Variants in IL1RL1 observed in about 807,000 individuals in gnomAD.
IL1RL1 encodes the protein interleukin-1 receptor-like 1.
Under a neutral mutation model 50.9 loss-of-function variants are expected in IL1RL1, and 32 were observed. The observed-to-expected ratio is 0.63, with a 90% CI of 0.47 to 0.84. The LOEUF (loss-of-function observed/expected upper bound fraction) is 0.84, where lower values mean the gene tolerates loss of function less well. Among genes scored for constraint, IL1RL1 ranks in the 40% least tolerant of loss-of-function variants. The pLI, the probability that IL1RL1 is intolerant of heterozygous loss-of-function variation, is 0.00. For missense variants in IL1RL1, 773 were observed against 662.9 expected, an observed-to-expected ratio of 1.17 and a Z score of -1.82; for synonymous variants, 275 against 236.0, an observed-to-expected ratio of 1.17 and a Z score of -1.51.
chr2:102,340,377 C>T, intron 4 of IL1RL1, 105 bp downstream of exon 4: 1 of 961,028 alleles, frequency 1.0e-6, no homozygotes, highest in South Asian at 1.6e-5. Context: ...CTTTGGGAGG[C>T]CAAGGCAGGC....
At chr2:102,311,944 T>C (rs1180489115) in intron 1 of IL1RL1, among the ~76,000 whole-genome samples, 1 of 33,418 alleles carries the variant, frequency 3.0e-5, no homozygotes, top group Non-Finnish European at 5.2e-5. Context: ...ATATATAATA[T>C]TATATATAAT....
chr2:102,343,310 AT>A lies in IL1RL1; in HGVS notation c.866del (p.Ile289LysfsTer4), dbSNP rs1223668698. 3.1e-6 allele frequency: 5 copies of A among 1,614,122 alleles called. No homozygotes were observed. Among genetic ancestry groups the A allele is most frequent in the Admixed American group, 1.7e-5 (1 of 60,008 alleles). On this transcript the variant is annotated frameshift_variant, in exon 8 of 11. Coordinates refer to ENST00000233954, the MANE Select transcript of IL1RL1 (RefSeq NM_016232.5). LOFTEE classifies it high-confidence loss of function. ...GLACLDMVLR[I>X]ADVKEEDLLL... ...GGCTTGTCTAGACATGGTTTTAAGAATAGCTGACGTGAAGGAAGAGGATTTA... is the reference window on the plus strand; with the variant it reads ...GGCTTGTCTAGACATGGTTTTAAGAAAGCTGACGTGAAGGAAGAGGATTTA...
chr2:102,317,128 G>T (rs1010733338), intron 1 of IL1RL1, among the ~76,000 whole-genome samples: 14 of 152,176 alleles, frequency 9.2e-5, no homozygotes, highest in Admixed American at 9.2e-4. Flanking sequence ...GCCGAGGCAG[G>T]TGGATCATGA....
intron 1 of IL1RL1, among the ~76,000 whole-genome samples, chr2:102,319,809 C>A (rs1676785552): frequency 6.6e-6 from 1 of 152,188 alleles, no homozygotes; most frequent in African/African-American, 2.4e-5. Flanking sequence ...TTGCCTCAGC[C>A]TCCCAAGAAG....
At chr2:102,348,321 C>A (rs780862024) in intron 9 of IL1RL1, among the ~76,000 whole-genome samples, 1 of 152,150 alleles carries the variant, frequency 6.6e-6, no homozygotes, top group Non-Finnish European at 1.5e-5. Flanking sequence ...TTTTCTTCCC[C>A]GATAGGATTG....
Position 102,343,035 on chromosome 2 carries a change from G to A in IL1RL1, c.683-1G>A. On this transcript the variant is annotated splice_acceptor_variant, in intron 6 of 10. Coordinates refer to ENST00000233954, the MANE Select transcript of IL1RL1 (RefSeq NM_016232.5). LOFTEE classifies it high-confidence loss of function. ...TGGTGAATGTCCTTACTCCCCTCTA[G>A]GAAAAAACGCAAACCTAACTTGCTC... 1 of 1,613,658 alleles carries A rather than the reference G, an allele frequency of 6.2e-7. No homozygotes were observed. Among genetic ancestry groups the A allele is most frequent in the Non-Finnish European group, 8.5e-7 (1 of 1,179,860 alleles).
chr2:102,311,962 ATATATAATAT>A (rs1676506740), intron 1 of IL1RL1, among the ~76,000 whole-genome samples: 1 of 33,796 alleles, frequency 3.0e-5, no homozygotes, highest in Non-Finnish European at 4.8e-5. Context: ...AATATATATT[ATATATAATAT>A]TATATATAAT....
chr2:102,333,173 A>G (rs1677220755), intron 1 of IL1RL1, among the ~76,000 whole-genome samples: 1 of 150,814 alleles, frequency 6.6e-6, no homozygotes, highest in East Asian at 1.9e-4. Context: ...GAATCTCCAG[A>G]GTGTCTGTTT....
Position 102,338,905 on chromosome 2 carries a change from T to C in IL1RL1, c.130T>C (p.Tyr44His). ...ATGTCCTAGACAAGGAAAACCTAGT[T>C]ACACCGTGGATTGGTATTACTCACA... ...VRCPRQGKPS[Y>H]TVDWYYSQTN... Residue 44 changes from tyrosine (Y) to histidine (H), a missense_variant, in exon 3 of 11, where the codon TAC (tyrosine) becomes CAC (histidine). Coordinates refer to ENST00000233954, the MANE Select transcript of IL1RL1 (RefSeq NM_016232.5). 6.2e-7 allele frequency: 1 copy of C among 1,613,850 alleles called. No individual in the cohort carries two copies. The highest frequency in any genetic ancestry group is 1.1e-5 in the South Asian group (1 of 91,072).
intron 10 of IL1RL1, among the ~76,000 whole-genome samples, 168 bp from the exon 11 acceptor site, chr2:102,351,368 G>A (rs780133971): frequency 3.3e-5 from 5 of 152,124 alleles, no homozygotes; most frequent in Non-Finnish European, 7.4e-5. Flanking sequence ...GGAACACAAA[G>A]AACAAAACGG....
chr2:102,323,586 G>A (rs887594808), intron 1 of IL1RL1, among the ~76,000 whole-genome samples: 7 of 151,984 alleles, frequency 4.6e-5, no homozygotes, highest in African/African-American at 1.7e-4. Context: ...GAGAGAAGAA[G>A]CAAGGGGTGG....
intron 1 of IL1RL1, among the ~76,000 whole-genome samples, chr2:102,316,491 C>T (rs551735113): frequency 2.0e-5 from 3 of 152,222 alleles, no homozygotes; most frequent in African/African-American, 4.8e-5. Flanking sequence ...GTAGAATTTC[C>T]TTCTTCAGAG....
At chr2:102,337,867 A>C (rs115535933) in intron 1 of IL1RL1, among the ~76,000 whole-genome samples, 2 of 152,110 alleles carry the variant, frequency 1.3e-5, no homozygotes, top group Middle Eastern at 6.8e-3. Context: ...GGACATTCTC[A>C]TGAGACTGGT....
At position 102,311,635 on chromosome 2, in the gene IL1RL1, T is replaced by C. The variant is rs1337901067; in HGVS notation, c.-150+12T>C. 6.7e-6 allele frequency: 1 copy of C among 149,356 alleles called. No homozygotes were observed. The highest frequency in any genetic ancestry group is 1.5e-5 in the Non-Finnish European group (1 of 67,728). The allele number at this position is 149,356 out of a possible 1,614,324, so 9.3% of individuals were successfully genotyped here. A position where few individuals can be genotyped will look rare whatever the true frequency, so the allele number is the denominator to read the frequency against. The stretch of plus-strand genomic sequence containing the variant: ...ACAACCCAATGAGGGTAAGTGGCTT[T>C]GGGGTATTTTTCAAAAATACTTTTA... On this transcript the variant is annotated intron_variant, in intron 1 of 10. Coordinates refer to ENST00000233954, the MANE Select transcript of IL1RL1 (RefSeq NM_016232.5).
intron 8 of IL1RL1, chr2:102,345,666 T>A (rs1218465305): frequency 1.0e-6 from 1 of 985,296 alleles, no homozygotes; most frequent in East Asian, 1.1e-4. Context: ...TGTTTTAATT[T>A]TGACTTTAAC....
intron 10 of IL1RL1, among the ~76,000 whole-genome samples, chr2:102,350,156 C>T (rs1273620838): frequency 1.3e-5 from 2 of 152,220 alleles, no homozygotes; most frequent in Non-Finnish European, 2.9e-5. Flanking sequence ...CTCTTCTTCC[C>T]CCATTTTCCC....
chr2:102,331,062 A>G (rs1005502047), intron 1 of IL1RL1, among the ~76,000 whole-genome samples: 3 of 152,214 alleles, frequency 2.0e-5, no homozygotes, highest in Non-Finnish European at 4.4e-5. Context: ...TATATTTTTG[A>G]GTCTACTTCT....
At chr2:102,329,533 A>G (rs1308715477) in intron 1 of IL1RL1, among the ~76,000 whole-genome samples, 1 of 152,224 alleles carries the variant, frequency 6.6e-6, no homozygotes, top group Admixed American at 6.5e-5. Flanking sequence ...GAAAGAAACT[A>G]CCATCAGAGT....
chr2:102,345,465 G>A lies in IL1RL1; in HGVS notation c.970+2050G>A, dbSNP rs1677750133. ...TACAATCATGTAGAAATTGTTTAAT[G>A]TGCCTGTCAAATAGCCAAAGAGTGT... On this transcript the variant is annotated intron_variant, in intron 8 of 10. Coordinates refer to ENST00000233954, the MANE Select transcript of IL1RL1 (RefSeq NM_016232.5). 10 of 985,274 alleles carry A rather than the reference G, an allele frequency of 1.0e-5. No individual in the cohort carries two copies. The East Asian group carries it at 3.4e-4, about 33-fold the overall frequency. The allele number at this position is 985,274 out of a possible 1,614,324, so 61.0% of individuals were successfully genotyped here.
Sources: allele counts gnomAD v4.1 joint callset (sites outside exome capture counted in the v4.1 genomes callset), GRCh38; gene constraint gnomAD v4.1.1; transcripts MANE v1.5; gene names NCBI Gene and HGNC (gene_info 2026-07-23, HGNC 2026-07-21).